Variants in ZNF143 observed in about 807,000 individuals in gnomAD.
The protein encoded by ZNF143 is zinc finger protein 143.
In ZNF143, 49 loss-of-function variants were observed where a neutral mutation model predicts 74.1. The observed-to-expected ratio is 0.66, with a 90% CI of 0.53 to 0.84. The LOEUF (loss-of-function observed/expected upper bound fraction) is 0.84, where lower values mean the gene tolerates loss of function less well. Ranked by LOEUF, ZNF143 falls within the 40% of genes least tolerant of loss-of-function variation. The pLI is 0.00. For missense variants in ZNF143, 637 were observed against 793.4 expected, an observed-to-expected ratio of 0.80 and a Z score of 2.37; for synonymous variants, 304 against 282.8, an observed-to-expected ratio of 1.07 and a Z score of -0.75.
intron 7 of ZNF143, among the ~76,000 whole-genome samples, chr11:9,486,413 A>T (rs76526459): frequency 5.3e-4 from 2 of 3,806 alleles, no homozygotes; most frequent in Admixed American, 6.8e-3. Context: ...TATATATATA[A>T]TATATATTAT....
At chr11:9,470,948 C>G (rs1373332066) in intron 1 of ZNF143, among the ~76,000 whole-genome samples, 1 of 151,910 alleles carries the variant, frequency 6.6e-6, no homozygotes, top group Non-Finnish European at 1.5e-5. Context: ...AAGATTAAGT[C>G]AACAAAATAT....
At chr11:9,469,843 C>T (rs1388416996) in intron 1 of ZNF143, among the ~76,000 whole-genome samples, 1 of 152,288 alleles carries the variant, frequency 6.6e-6, no homozygotes, top group East Asian at 1.9e-4. Context: ...CCACTGCACC[C>T]AGCCTTGACT....
intron 14 of ZNF143, among the ~76,000 whole-genome samples, chr11:9,518,107 A>C (rs929590817): frequency 6.6e-6 from 1 of 152,246 alleles, no homozygotes; most frequent in Non-Finnish European, 1.5e-5. Context: ...AAAATGTACA[A>C]ATCATTCCGT....
chr11:9,495,247 C>T (rs961234650), intron 8 of ZNF143, among the ~76,000 whole-genome samples: 6 of 152,138 alleles, frequency 3.9e-5, no homozygotes, highest in Non-Finnish European at 7.3e-5. Flanking sequence ...AGTTCAAGAA[C>T]AGCCTGACCA....
At position 9,516,298 on chromosome 11, in the gene ZNF143, T is replaced by G. The variant is rs146766092; in HGVS notation, c.1622T>G (p.Val541Gly). The G allele has an allele frequency of 6.2e-7, 1 of 1,614,088 alleles. No individual in the cohort carries two copies. The change falls in exon 14 of 16, where the codon GTC (valine) becomes GGC (glycine). Residue 541 changes from valine (V) to glycine (G), a missense_variant. Around this residue, in one of 2 missense-constraint regions of ZNF143, gnomAD observed 344 missense variants for 485.6 expected, o/e 0.71. Coordinates refer to ENST00000396602, the MANE Select transcript of ZNF143 (RefSeq NM_003442.6). ...ATCACAGTCCCCGCCCATGATGCAGTCATCTCCTCAGCAGGAACGCACTCT... is the reference window on the plus strand; with the variant it reads ...ATCACAGTCCCCGCCCATGATGCAGGCATCTCCTCAGCAGGAACGCACTCT... ...TPITVPAHDA[V>G]ISSAGTHSVA... is the part of the protein sequence containing the mutation.
At chr11:9,483,683 A>G (rs1035252785) in intron 7 of ZNF143, among the ~76,000 whole-genome samples, 3 of 149,690 alleles carry the variant, frequency 2.0e-5, no homozygotes, top group Non-Finnish European at 2.9e-5. Flanking sequence ...GGTTCAAGTT[A>G]TCCTCCTGCC....
At chr11:9,477,278 CAG>C (rs1406314334) in intron 5 of ZNF143, among the ~76,000 whole-genome samples, 1 of 145,294 alleles carries the variant, frequency 6.9e-6, no homozygotes, top group African/African-American at 2.6e-5. Flanking sequence ...TTCTTTTCAG[CAG>C]AGTCTTGCTC....
chr11:9,516,139 A>G, intron 13 of ZNF143, 62 bp from the exon 14 acceptor site: 11 of 1,553,448 alleles, frequency 7.1e-6, no homozygotes, highest in Non-Finnish European at 9.7e-6. Context: ...CCTGGTCCTT[A>G]TGGAAGATTG....
At chr11:9,498,916 T>G (rs1334870135) in intron 10 of ZNF143, among the ~76,000 whole-genome samples, 1 of 152,216 alleles carries the variant, frequency 6.6e-6, no homozygotes, top group Non-Finnish European at 1.5e-5. Context: ...TTTACAACAT[T>G]GAGGAACAGA....
intron 5 of ZNF143, among the ~76,000 whole-genome samples, chr11:9,475,130 C>G (rs1856800740): frequency 6.6e-6 from 1 of 152,216 alleles, no homozygotes; most frequent in South Asian, 2.1e-4. Flanking sequence ...AAGCCAGCCT[C>G]CCAAAGTGCT....
rs954404348 is a variant in ZNF143 at position 9,520,025 on chromosome 11, ATTTTTTTTTT to A, written c.1686+3683_1686+3692del. ...ATGTAGCAAGACACTGTTTCCACCA[ATTTTTTTTTT>A]TTTTTTTTTTTTTTTTTTTGAGACG... On this transcript the variant is annotated intron_variant, in intron 14 of 15. Transcript: ENST00000396602. 9.8e-4 allele frequency among the ~76,000 whole-genome samples: 90 copies of A among 91,390 alleles called. 1 individual carries two copies. Among genetic ancestry groups the A allele is most frequent in the African/African-American group, 3.9e-3 (83 of 21,034 alleles). The allele number at this position is 91,390 out of a possible 152,430, so 60.0% of individuals were successfully genotyped here.
intron 9 of ZNF143, 99 bp downstream of exon 9, chr11:9,496,477 C>T (rs1484897318): frequency 3.1e-6 from 3 of 964,806 alleles, no homozygotes; most frequent in Admixed American, 2.0e-5. Flanking sequence ...TCTGAATCTG[C>T]AGAAGCACAT....
At chr11:9,478,808 A>G (rs1239844105) in intron 6 of ZNF143, among the ~76,000 whole-genome samples, 1 of 152,190 alleles carries the variant, frequency 6.6e-6, no homozygotes, top group Non-Finnish European at 1.5e-5. Flanking sequence ...AATTAAAAAA[A>G]AAGACACTAG....
At position 9,473,934 on chromosome 11, in the gene ZNF143, G is replaced by C. The variant is rs781723733; in HGVS notation, c.206-7G>C. ...GCCAATTTATTGTCTTGAATCTTTT[G>C]TTATAGATGCAAAACTCATAGATGG... On this transcript the variant is annotated splice_polypyrimidine_tract_variant and splice_region_variant and intron_variant, in intron 3 of 15. Coordinates refer to ENST00000396602, the MANE Select transcript of ZNF143 (RefSeq NM_003442.6). The C allele has an allele frequency of 6.2e-7, 1 of 1,613,920 alleles. No homozygotes were observed. The highest frequency in any genetic ancestry group is 1.1e-5 in the South Asian group (1 of 91,072).
chr11:9,490,056 C>T (rs1276982420), intron 7 of ZNF143, among the ~76,000 whole-genome samples: 1 of 151,936 alleles, frequency 6.6e-6, no homozygotes, highest in Non-Finnish European at 1.5e-5. Flanking sequence ...TGGTGGTACT[C>T]ACCTGTTGTC....
At chr11:9,492,848 A>G (rs532086546) in intron 7 of ZNF143, among the ~76,000 whole-genome samples, 18 of 152,298 alleles carry the variant, frequency 1.2e-4, no homozygotes, top group African/African-American at 3.9e-4. Flanking sequence ...CTTTACAACA[A>G]GACAGTTGAT....
At chr11:9,520,042 T>TA in intron 14 of ZNF143, among the ~76,000 whole-genome samples, 1 of 141,398 alleles carries the variant, frequency 7.1e-6, no homozygotes, top group African/African-American at 2.7e-5. Context: ...TTTTTTTTTT[T>TA]TTTTTTTTTT....
chr11:9,461,602 A>G (rs1855854530), intron 1 of ZNF143: 1 of 152,050 alleles, frequency 6.6e-6, no homozygotes, highest in South Asian at 2.1e-4. Flanking sequence ...TCCCATGCGT[A>G]TCGTGGGCAG....
At chr11:9,502,641 T>C (rs1848209483) in intron 11 of ZNF143, among the ~76,000 whole-genome samples, 1 of 151,882 alleles carries the variant, frequency 6.6e-6, no homozygotes, top group Admixed American at 6.6e-5. Context: ...TTCAGTGTTT[T>C]TTAGTATATT....
Sources: allele counts gnomAD v4.1 joint callset (sites outside exome capture counted in the v4.1 genomes callset), GRCh38; gene constraint gnomAD v4.1.1; regional missense constraint gnomAD v4.1.1; transcripts MANE v1.5; gene names NCBI Gene and HGNC (gene_info 2026-07-23, HGNC 2026-07-21).